The following DPP4 variants were observed in gnomAD, a reference collection of about 807,000 sequenced individuals.
DPP4 encodes the protein ADCP-2.
DPP4 carries 93 observed loss-of-function variants against 122.4 expected under a neutral mutation model. The ratio of observed to expected loss-of-function variants is 0.76; its 90% CI spans 0.64 to 0.90. The LOEUF is 0.90. Ranked by LOEUF, DPP4 falls within the 40% of genes least tolerant of loss-of-function variation. The pLI, the probability that DPP4 is intolerant of heterozygous loss-of-function variation, is 0.00. For missense variants in DPP4, 914 were observed against 907.3 expected, an observed-to-expected ratio of 1.01 and a Z score of -0.09; for synonymous variants, 321 against 302.9, an observed-to-expected ratio of 1.06 and a Z score of -0.62.
intron 5 of DPP4, among the ~76,000 whole-genome samples, chr2:162,039,760 T>G (rs570918304): frequency 6.6e-6 from 1 of 151,032 alleles, no homozygotes; most frequent in Non-Finnish European, 1.5e-5. Context: ...GGAAATAAAA[T>G]TTTTTTTTAA....
intron 2 of DPP4, among the ~76,000 whole-genome samples, chr2:162,061,869 T>C (rs1011092327): frequency 6.6e-6 from 1 of 152,138 alleles, no homozygotes; most frequent in Non-Finnish European, 1.5e-5. Context: ...AGATAATGAG[T>C]AAGCAATGCC....
rs557530495 is a variant in DPP4, at chr2:162,028,189, C to G, written c.888-3250G>C. Among the ~76,000 whole-genome samples the G allele has an allele frequency of 5.3e-5, 8 of 152,116 alleles. No homozygotes were observed. In the East Asian group the frequency reaches 1.4e-3, roughly 26 times the overall value. ...CCAGCTTGGCCAGCATGGTGATACC[C>G]TGTGTCTACTAAAAATACAAAAATT... On this transcript the variant is annotated intron_variant, in intron 10 of 25. Transcript: ENST00000360534.
intron 14 of DPP4, 143 bp downstream of exon 14, chr2:162,020,086 C>T: frequency 1.5e-6 from 1 of 662,864 alleles, no homozygotes; most frequent in Non-Finnish European, 2.5e-6. Flanking sequence ...TTAAGGCTTC[C>T]GTATGTTAAA....
chr2:162,039,085 A>C (rs370524400), intron 6 of DPP4, 47 bp downstream of exon 6: 90 of 1,611,450 alleles, frequency 5.6e-5, no homozygotes, highest in Admixed American at 2.2e-4. Flanking sequence ...TTCCTTAAAA[A>C]TATGACAGTA....
At chr2:162,053,666 C>T (rs1684463988) in intron 2 of DPP4, among the ~76,000 whole-genome samples, 1 of 152,176 alleles carries the variant, frequency 6.6e-6, no homozygotes, top group Admixed American at 6.5e-5. Flanking sequence ...CTTCAGCTGC[C>T]ACATATATGA....
At chr2:162,007,854 A>T (rs916329946) in intron 22 of DPP4, among the ~76,000 whole-genome samples, 3 of 152,126 alleles carry the variant, frequency 2.0e-5, no homozygotes, top group Admixed American at 2.0e-4. Context: ...ATATTTCTGG[A>T]TATAAAATAT....
intron 18 of DPP4, among the ~76,000 whole-genome samples, chr2:162,016,550 T>A (rs1252698786): frequency 1.3e-5 from 2 of 152,258 alleles, no homozygotes; most frequent in Non-Finnish European, 2.9e-5. Flanking sequence ...CCAAATCCCT[T>A]CCTTTTTGAC....
chr2:162,034,298 T>C (rs1446740443), intron 9 of DPP4, among the ~76,000 whole-genome samples: 2 of 152,216 alleles, frequency 1.3e-5, no homozygotes, highest in Non-Finnish European at 2.9e-5. Flanking sequence ...GAGAACACTT[T>C]ATGGAGTTTT....
At chr2:162,051,450 CTG>C (rs1403503133) in intron 2 of DPP4, among the ~76,000 whole-genome samples, 2 of 152,168 alleles carry the variant, frequency 1.3e-5, no homozygotes, top group Non-Finnish European at 2.9e-5. Flanking sequence ...CAAAAATAAA[CTG>C]TTTTGGTAAA....
At chr2:162,050,947 C>T (rs1240034005) in intron 2 of DPP4, among the ~76,000 whole-genome samples, 4 of 152,170 alleles carry the variant, frequency 2.6e-5, no homozygotes, top group Non-Finnish European at 5.9e-5. Flanking sequence ...CTTAGTTCGG[C>T]CTGGGACATG....
intron 23 of DPP4, among the ~76,000 whole-genome samples, chr2:161,996,841 C>T (rs1381525890): frequency 6.6e-6 from 1 of 151,986 alleles, no homozygotes; most frequent in African/African-American, 2.4e-5. Flanking sequence ...TATAAAAGGC[C>T]TCGGTACTAT....
intron 2 of DPP4, among the ~76,000 whole-genome samples, chr2:162,053,515 C>T (rs1684457459): frequency 6.6e-6 from 1 of 152,128 alleles, no homozygotes; most frequent in Non-Finnish European, 1.5e-5. Context: ...CAGCCACATG[C>T]CGTCCGTAGG....
At position 162,050,390 on chromosome 2, in the gene DPP4, G is replaced by A. The variant is rs78532525; in HGVS notation, c.95-2889C>T. ...TCACATCTGTGAGCCGCTGCACCAG[G>A]CCTAGTCCACAGTTTTTGAAAACCC... On this transcript the variant is annotated intron_variant, in intron 2 of 25. Transcript: ENST00000360534. Among the ~76,000 whole-genome samples the A allele has an allele frequency of 1.9e-3, 286 of 152,210 alleles. 1 individual carries two copies. Among genetic ancestry groups the A allele is most frequent in the African/African-American group, 6.6e-3 (274 of 41,532 alleles).
chr2:162,024,723 C>A (rs1683256070), intron 11 of DPP4, 81 bp downstream of exon 11: 1 of 1,514,672 alleles, frequency 6.6e-7, no homozygotes. Context: ...TTTCCTGATT[C>A]CCAGCCTTCA....
intron 11 of DPP4, among the ~76,000 whole-genome samples, chr2:162,023,698 A>G (rs1683217727): frequency 6.6e-6 from 1 of 152,146 alleles, no homozygotes; most frequent in Non-Finnish European, 1.5e-5. Context: ...ACCTTGGTTG[A>G]ACCCTTTTTA....
chr2:162,073,536 G>A, intron 1 of DPP4, 50 bp from the exon 2 acceptor site: 3 of 1,581,618 alleles, frequency 1.9e-6, no homozygotes, highest in Non-Finnish European at 2.6e-6. Context: ...TGTGGCCCCA[G>A]TTTCCGTAGG....
At chr2:162,041,143 G>A (rs1683970845) in intron 5 of DPP4, among the ~76,000 whole-genome samples, 2 of 152,098 alleles carry the variant, frequency 1.3e-5, no homozygotes, top group Non-Finnish European at 2.9e-5. Context: ...GCCAAGTGAA[G>A]AAGGGAAGAA....
chr2:162,047,525 G>A, intron 2 of DPP4, 24 bp from the exon 3 acceptor site: 2 of 1,474,248 alleles, frequency 1.4e-6, no homozygotes, highest in East Asian at 2.3e-5. Flanking sequence ...AGAGCCAAAT[G>A]TTCATTTCAG....
chr2:161,996,660 A>G (rs1701013542), intron 23 of DPP4, among the ~76,000 whole-genome samples: 1 of 152,208 alleles, frequency 6.6e-6, no homozygotes, highest in Non-Finnish European at 1.5e-5. Context: ...TACCTTCAGT[A>G]TAGTACAATA....
Sources: gnomAD v4.1 joint callset for allele counts (sites outside exome capture counted in the v4.1 genomes callset) on GRCh38, gnomAD v4.1.1 for gene constraint, MANE v1.5 for transcripts, NCBI Gene and HGNC (gene_info 2026-07-23, HGNC 2026-07-21) for gene names.